FAM234A: variants seen among roughly 807,000 people sequenced by gnomAD.
FAM234A encodes protein FAM234A.
A neutral mutation model predicts 49.1 loss-of-function variants in FAM234A; 42 were observed. The ratio of observed to expected loss-of-function variants is 0.86; its 90% confidence interval spans 0.67 to 1.11. The LOEUF is 1.11. Ranked by LOEUF, FAM234A falls within the 50% of genes least tolerant of loss-of-function variation. The pLI is 0.00. For missense variants in FAM234A, 815 were observed against 745.2 expected (o/e 1.09, Z -1.09); for synonymous variants, 369 against 316.2 (o/e 1.17, Z -1.77).
intron 6 of FAM234A, among the ~76,000 whole-genome samples, chr16:261,857 C>T (rs1241106423): frequency 6.6e-6 from 1 of 152,228 alleles, no homozygotes; most frequent in African/African-American, 2.4e-5. Flanking sequence ...AGGCACCAAC[C>T]ATCGTGGCAG....
At chr16:268,054 T>C (rs528700710), downstream of FAM234A, among the ~76,000 whole-genome samples, 103 of 138,960 alleles carry the variant, frequency 7.4e-4, 2 homozygotes, top group African/African-American at 2.7e-3. Flanking sequence ...ACACGGGTGC[T>C]ACACACAATC....
chr16:241,900 C>T (rs866899102), intron 1 of FAM234A, among the ~76,000 whole-genome samples: 10 of 129,694 alleles, frequency 7.7e-5, no homozygotes, highest in Middle Eastern at 4.6e-3. Context: ...AGCGAGACAA[C>T]GTCTCAAAAA....
intron 11 of FAM234A, 45 bp from the exon 12 acceptor site, chr16:264,569 G>A (rs1308762957): frequency 7.8e-7 from 1 of 1,283,906 alleles, no homozygotes; most frequent in Non-Finnish European, 1.1e-6. Context: ...TCCTGTGGGA[G>A]TGCTCAGTGA....
chr16:239,921 T>G (rs986734619), intron 1 of FAM234A, among the ~76,000 whole-genome samples: 20 of 152,112 alleles, frequency 1.3e-4, no homozygotes, highest in African/African-American at 4.8e-4. Flanking sequence ...TTAAAGTGGT[T>G]CTGGAAAAAT....
intron 5 of FAM234A, 176 bp from the exon 6 acceptor site, chr16:261,196 CTGCTCCTTCACG>C: frequency 1.6e-6 from 1 of 613,884 alleles, no homozygotes; most frequent in Non-Finnish European, 2.8e-6. Flanking sequence ...CCTCCGCGTG[CTGCTCCTTCACG>C]AGCACAGGAG....
intron 5 of FAM234A, chr16:260,641 G>C (rs753484776): frequency 2.1e-6 from 1 of 472,586 alleles, no homozygotes; most frequent in Middle Eastern, 3.2e-4. Context: ...AAGAATGCGT[G>C]GTGCACGGGG....
At chr16:268,626 G>T, downstream of FAM234A, 3 of 708,818 alleles carry the variant, frequency 4.2e-6, no homozygotes, top group Non-Finnish European at 7.1e-6. Context: ...AATCGGGGGG[G>T]AGGCCGCGGC....
intron 3 of FAM234A, among the ~76,000 whole-genome samples, chr16:255,039 A>G (rs1296444406): frequency 6.6e-6 from 1 of 152,024 alleles, no homozygotes; most frequent in Non-Finnish European, 1.5e-5. Flanking sequence ...TATTTTTAGT[A>G]GAGACCGGGT....
Position 264,072 on chromosome 16 carries a change from C to T in FAM234A, c.1245C>T (p.Ser415=). The change falls in exon 11 of 13, where the codon AGC becomes AGT. Residue 415 remains serine (S), a synonymous_variant. Transcript: ENST00000399932. Reference sequence around the variant, plus strand: ...TCCTGTGTAGCCTAGCCCTCCCGAGCCTCCCTGGGGGTCCACTGTCCGCCA... The same window carrying T: ...TCCTGTGTAGCCTAGCCCTCCCGAGTCTCCCTGGGGGTCCACTGTCCGCCA... The part of the protein sequence containing the change: ...GAVLCSLALP[S]LPGGPLSASL... The T allele has an allele frequency of 6.2e-7, 1 of 1,613,082 alleles. No individual in the cohort carries two copies.
downstream of FAM234A, chr16:268,767 C>T: frequency 6.5e-7 from 1 of 1,549,360 alleles, no homozygotes; most frequent in Non-Finnish European, 8.7e-7. Context: ...CTCTTGGGTC[C>T]TCTTCCAGGC....
At chr16:260,458 G>T in intron 5 of FAM234A, 1 of 509,102 alleles carries the variant, frequency 2.0e-6, no homozygotes. Flanking sequence ...GAGGAGGAGC[G>T]GCTTGGCCCC....
chr16:254,983 A>ATTT (rs2051174311), intron 3 of FAM234A, among the ~76,000 whole-genome samples: 1 of 152,022 alleles, frequency 6.6e-6, no homozygotes, highest in Admixed American at 6.6e-5. Flanking sequence ...AGCCTCCCAA[A>ATTT]TAGCTGGGAT....
chr16:243,353 CT>C (rs1214870028), intron 1 of FAM234A, among the ~76,000 whole-genome samples: 1 of 152,100 alleles, frequency 6.6e-6, no homozygotes, highest in East Asian at 1.9e-4. Flanking sequence ...TGGCCTGACT[CT>C]CTGTGGTCAA....
intron 2 of FAM234A, among the ~76,000 whole-genome samples, chr16:251,147 T>TG (rs1386000359): frequency 2.0e-4 from 31 of 152,078 alleles, no homozygotes; most frequent in Admixed American, 2.0e-3. Flanking sequence ...TTAGTAGAGA[T>TG]GGCTTTCACC....
At position 263,716 on chromosome 16, in the gene FAM234A, C is replaced by A. The variant is rs575006186; in HGVS notation, c.1129C>A (p.Arg377Ser). The change falls in exon 10 of 13, where the codon CGC (arginine) becomes AGC (serine). Residue 377 changes from arginine to serine, a missense_variant. Coordinates refer to ENST00000399932, the MANE Select transcript of FAM234A (RefSeq NM_032039.4). ...TTGTTCCAGAAAACCCATCTTCGGC[C>A]GCTACAAACCAGACACCTTGGCTGT... is the stretch of plus-strand genomic sequence containing the variant. ...AHVLRKPIFG[R>S]YKPDTLAVAV... 6.2e-7 allele frequency: 1 copy of A among 1,613,796 alleles called. No individual in the cohort carries two copies. Among genetic ancestry groups the A allele is most frequent in the African/African-American group, 1.3e-5 (1 of 74,942 alleles).
chr16:237,096 G>A (rs1231475386), intron 1 of FAM234A, among the ~76,000 whole-genome samples: 1 of 151,596 alleles, frequency 6.6e-6, no homozygotes, highest in African/African-American at 2.4e-5. Context: ...TATGTAGATG[G>A]GTTCTCACTG....
rs753841722 is a variant in FAM234A at position 264,621 on chromosome 16, G to C, written c.1352G>C (p.Gly451Ala). 2.5e-6 allele frequency: 4 copies of C among 1,609,354 alleles called. No homozygotes were observed. The highest frequency in any genetic ancestry group is 3.4e-6 in the Non-Finnish European group (4 of 1,178,750). ...TGCTGGTTCTCGCTCCAGGAGACCGGGGAGGCCCGGCACAGCCTGTACATG... is the reference window on the plus strand; with the variant it reads ...TGCTGGTTCTCGCTCCAGGAGACCGCGGAGGCCCGGCACAGCCTGTACATG... ...ELGSTSETET[G>A]EARHSLYMFH... Residue 451 changes from glycine to alanine, a missense_variant, in exon 12 of 13, where the codon GGG (glycine) becomes GCG (alanine). Coordinates refer to ENST00000399932, the MANE Select transcript of FAM234A (RefSeq NM_032039.4).
downstream of FAM234A, among the ~76,000 whole-genome samples, chr16:267,961 C>A (rs1449217622): frequency 1.3e-5 from 2 of 151,090 alleles, no homozygotes; most frequent in East Asian, 3.9e-4. Context: ...GCTATGCGTA[C>A]ACACCACACG....
chr16:268,337 T>C (rs539720134), downstream of FAM234A: 1 of 248,008 alleles, frequency 4.0e-6, no homozygotes, highest in Non-Finnish European at 8.0e-6. Context: ...AAGGGTCTTT[T>C]ATTTGTGTGC....
Sources: gnomAD v4.1 joint callset for allele counts (sites outside exome capture counted in the v4.1 genomes callset) on GRCh38, gnomAD v4.1.1 for gene constraint, MANE v1.5 for transcripts, NCBI Gene and HGNC (gene_info 2026-07-23, HGNC 2026-07-21) for gene names.